The following KCTD1 variants were observed in gnomAD, a reference collection of about 807,000 sequenced individuals.
KCTD1 encodes the protein BTB/POZ domain-containing protein KCTD1.
KCTD1 carries 24 observed loss-of-function variants against 66.0 expected under a neutral mutation model. That is an observed-to-expected ratio of 0.36 (90% CI 0.26 to 0.51). KCTD1 has a LOEUF of 0.51. Ranked by LOEUF, KCTD1 falls within the 20% of genes least tolerant of loss-of-function variation. KCTD1 has a pLI of 0.95. For missense variants in KCTD1, 943 were observed against 1,205.2 expected (o/e 0.78, Z 3.22); for synonymous variants, 511 against 517.2 (o/e 0.99, Z 0.16).
At chr18:26,573,700 A>C (rs1986161283) in intron 1 of KCTD1, among the ~76,000 whole-genome samples, 1 of 152,220 alleles carries the variant, frequency 6.6e-6, no homozygotes, top group Admixed American at 6.5e-5. Context: ...GCCCAAAGCA[A>C]GGCACAATTT....
At chr18:26,505,461 C>T (rs968478854) in intron 1 of KCTD1, among the ~76,000 whole-genome samples, 11 of 152,240 alleles carry the variant, frequency 7.2e-5, no homozygotes, top group African/African-American at 9.6e-5. Context: ...GGAATACAGA[C>T]GAAGAACCCG....
chr18:26,505,949 C>T (rs1983011180), intron 1 of KCTD1, among the ~76,000 whole-genome samples: 1 of 152,108 alleles, frequency 6.6e-6, no homozygotes, highest in Admixed American at 6.5e-5. Context: ...GATCTCAGCT[C>T]AGTGCAGCTT....
intron 1 of KCTD1, chr18:26,599,366 G>A (rs1436059419): frequency 3.8e-6 from 6 of 1,591,176 alleles, no homozygotes; most frequent in Non-Finnish European, 2.6e-6. Context: ...ATTCTCTTTT[G>A]GCTAGCAGTT....
At chr18:26,523,786 T>C (rs1180101738) in intron 1 of KCTD1, among the ~76,000 whole-genome samples, 1 of 152,234 alleles carries the variant, frequency 6.6e-6, no homozygotes, top group Non-Finnish European at 1.5e-5. Context: ...CTATTGTTGA[T>C]TCCTCTTTCC....
upstream of KCTD1, among the ~76,000 whole-genome samples, chr18:26,552,251 G>T (rs1985591987): frequency 2.0e-5 from 3 of 152,136 alleles, no homozygotes; most frequent in Non-Finnish European, 4.4e-5. Context: ...TTTTATGAAA[G>T]GTTATACTAT....
intron 1 of KCTD1, among the ~76,000 whole-genome samples, chr18:26,621,967 A>G (rs999858277): frequency 1.9e-4 from 29 of 152,304 alleles, no homozygotes; most frequent in African/African-American, 6.0e-4. Context: ...TGCAGTGAAT[A>G]TGGGCTAATG....
chr18:26,483,560 C>T (rs7232915), intron 2 of KCTD1, among the ~76,000 whole-genome samples: 26,091 of 152,238 alleles, frequency 0.17, 2,373 homozygotes, highest in African/African-American at 0.2. Context: ...TGAGCCACCA[C>T]GCCCAGCCTG....
intron 1 of KCTD1, among the ~76,000 whole-genome samples, chr18:26,576,941 A>G (rs1986238616): frequency 6.6e-6 from 1 of 152,236 alleles, no homozygotes; most frequent in African/African-American, 2.4e-5. Context: ...ATATTGCAGA[A>G]GTAAACACTT....
At chr18:26,625,122 T>C (rs1168342446) in intron 1 of KCTD1, among the ~76,000 whole-genome samples, 1 of 152,192 alleles carries the variant, frequency 6.6e-6, no homozygotes, top group Non-Finnish European at 1.5e-5. Flanking sequence ...GAAACTAAGT[T>C]ACTTTTGATT....
At chr18:26,510,707 T>A (rs937530796) in intron 1 of KCTD1, among the ~76,000 whole-genome samples, 1 of 152,252 alleles carries the variant, frequency 6.6e-6, no homozygotes, top group African/African-American at 2.4e-5. Context: ...AAAAATAACA[T>A]CTGAATAGAA....
At chr18:26,515,838 A>T (rs1983628450) in intron 1 of KCTD1, among the ~76,000 whole-genome samples, 1 of 152,196 alleles carries the variant, frequency 6.6e-6, no homozygotes, top group South Asian at 2.1e-4. Flanking sequence ...TACCTGTGGC[A>T]GCAGACGGCA....
chr18:26,578,060 T>C (rs1986269481), intron 1 of KCTD1, among the ~76,000 whole-genome samples: 3 of 140,880 alleles, frequency 2.1e-5, no homozygotes, highest in African/African-American at 8.3e-5. Flanking sequence ...TTTCTTTCTT[T>C]TTTTTTTTTT....
chr18:26,489,684 A>G (rs762085662), intron 2 of KCTD1, among the ~76,000 whole-genome samples: 3 of 152,248 alleles, frequency 2.0e-5, no homozygotes, highest in Non-Finnish European at 4.4e-5. Context: ...CCTCAGCTTG[A>G]GAATAACTTG....
chr18:26,548,966 C>T (rs1444699938), upstream of KCTD1: 3 of 985,556 alleles, frequency 3.0e-6, no homozygotes, highest in African/African-American at 1.8e-5. Context: ...TCTCGTTTCT[C>T]TAAGTAATGC....
Position 26,548,506 on chromosome 18 carries a change from T to G in KCTD1, c.31A>C (p.Asn11His). The change falls in exon 1 of 5, where the codon AAC (asparagine) becomes CAC (histidine). Residue 11 changes from asparagine to histidine, a missense_variant. By Grantham distance (68) the Asn-to-His change is moderately conservative. Coordinates refer to ENST00000580059, the MANE Select transcript of KCTD1 (RefSeq NM_001142730.3). MARMPGSGDC[N>H]TSAGGSASAA... Reference sequence around the variant, plus strand: ...CTGGCGCTGCCGCCCGCGCTGGTGTTACAGTCCCCGCTGCCAGGCATTCTC... The same window carrying G: ...CTGGCGCTGCCGCCCGCGCTGGTGTGACAGTCCCCGCTGCCAGGCATTCTC... 8.1e-7 allele frequency: 1 copy of G among 1,241,164 alleles called. No homozygotes were observed. Among genetic ancestry groups the G allele is most frequent in the Non-Finnish European group, 1.0e-6 (1 of 998,402 alleles). 76.9% of individuals were successfully genotyped at this position (1,241,164 alleles called of 1,614,324 possible). A position where few individuals can be genotyped will look rare whatever the true frequency, so the allele number is the denominator to read the frequency against.
In KCTD1 at chr18:26,455,894, T is replaced by G; in HGVS notation, c.2447A>C (p.Glu816Ala). The G allele has an allele frequency of 6.2e-7, 1 of 1,613,384 alleles. No homozygotes were observed. The highest frequency in any genetic ancestry group is 8.5e-7 in the Non-Finnish European group (1 of 1,179,382). The change falls in exon 5 of 5, where the codon GAG becomes GCG. Residue 816 changes from glutamate (E) to alanine (A), a missense_variant. By Grantham distance (107) the Glu-to-Ala change is moderately radical. Transcript: ENST00000580059. ...TTCAAATCCTCTTTGCTGCAACCTC[T>G]CGAGGACCTGCGAGGGAACAAGACA... Reference protein sequence around the residue: ...YCHLNSVQVLERLQQRGFEIV... With the variant: ...YCHLNSVQVLARLQQRGFEIV...
At chr18:26,554,063 A>C (rs1985642747) in intron 1 of KCTD1, among the ~76,000 whole-genome samples, 1 of 137,354 alleles carries the variant, frequency 7.3e-6, no homozygotes, top group Non-Finnish European at 1.6e-5. Flanking sequence ...ATAGGAAGGA[A>C]AGAAAGAATC....
chr18:26,482,651 G>A (rs572243075), intron 2 of KCTD1, among the ~76,000 whole-genome samples: 1 of 152,304 alleles, frequency 6.6e-6, no homozygotes, highest in African/African-American at 2.4e-5. Context: ...ATGCTGCACT[G>A]TCTAGGGCAC....
chr18:26,511,123 C>CTA (rs1481795835), intron 1 of KCTD1, among the ~76,000 whole-genome samples: 1 of 152,046 alleles, frequency 6.6e-6, no homozygotes, highest in Non-Finnish European at 1.5e-5. Flanking sequence ...TGACACAGTG[C>CTA]TATATTTTAC....
Sources: allele counts gnomAD v4.1 joint callset (sites outside exome capture counted in the v4.1 genomes callset), GRCh38; gene constraint gnomAD v4.1.1; transcripts MANE v1.5; gene names NCBI Gene and HGNC (gene_info 2026-07-23, HGNC 2026-07-21).